C2orf49: variants seen among roughly 807,000 people sequenced by gnomAD.
C2orf49 encodes the protein tRNA-splicing ligase complex subunit ASW.
A neutral mutation model predicts 20.6 loss-of-function variants in C2orf49; 11 were observed. The observed-to-expected ratio is 0.53, with a 90% CI of 0.34 to 0.88. The LOEUF (loss-of-function observed/expected upper bound fraction) is 0.88. Among genes scored for constraint, C2orf49 ranks in the 40% least tolerant of loss-of-function variants. C2orf49 has a pLI of 0.02. For synonymous variants in C2orf49, 134 were observed against 108.5 expected (o/e 1.24, Z -1.46); for missense variants, 289 against 274.2 (o/e 1.05, Z -0.38).
At chr2:105,380,307 C>T in the C2orf49 span, among the ~76,000 whole-genome samples, 1 of 152,094 alleles carries the variant, frequency 6.6e-6, no homozygotes, top group East Asian at 1.9e-4. Context: ...GCCTGTGCTT[C>T]CTATCACACT....
chr2:105,384,412 C>T, the C2orf49 span, among the ~76,000 whole-genome samples: 1 of 152,284 alleles, frequency 6.6e-6, no homozygotes, highest in African/African-American at 2.4e-5. Flanking sequence ...CTGGAGCTTA[C>T]CCTGTCAGCT....
At chr2:105,364,171 G>A in the C2orf49 span, among the ~76,000 whole-genome samples, 5 of 152,218 alleles carry the variant, frequency 3.3e-5, no homozygotes, top group African/African-American at 9.6e-5. Flanking sequence ...CAGGAGAATC[G>A]CTTGAACCCT....
Position 105,339,565 on chromosome 2 carries a change from T to C in C2orf49, c.100-18T>C. On this transcript the variant is annotated intron_variant, in intron 1 of 3. Transcript: ENST00000258457. ...TAAAAACATTGTTTTGAAATTACTT[T>C]TGTTTCCTTTCCCGCAGAAGAACAT... The C allele has an allele frequency of 3.2e-6, 5 of 1,575,974 alleles. 2 individuals are homozygous for C. In the South Asian group the frequency reaches 4.8e-5, roughly 15 times the overall value.
At chr2:105,337,756 C>T (rs894702180) in intron 1 of C2orf49, 70 bp downstream of exon 1, 3 of 1,398,028 alleles carry the variant, frequency 2.1e-6, no homozygotes, top group South Asian at 1.4e-5. Flanking sequence ...CCGAGCTTGC[C>T]TTAAGTAGCC....
chr2:105,363,305 C>A, the C2orf49 span: 1 of 1,614,074 alleles, frequency 6.2e-7, no homozygotes, highest in South Asian at 1.1e-5. Context: ...GTTGGTGCAC[C>A]CAGCACACTT....
At chr2:105,369,178 T>C in the C2orf49 span, among the ~76,000 whole-genome samples, 1 of 152,136 alleles carries the variant, frequency 6.6e-6, no homozygotes, top group Non-Finnish European at 1.5e-5. Flanking sequence ...TGACTTCAAC[T>C]GGGGGTCAGG....
Position 105,337,608 on chromosome 2 carries a change from T to G in C2orf49, c.21T>G (p.Gly7=). The G allele has an allele frequency of 6.2e-7, 1 of 1,611,280 alleles. No homozygotes were observed. The highest frequency in any genetic ancestry group is 8.5e-7 in the Non-Finnish European group (1 of 1,179,238). MAGDVG[G]RSCTDSELLL... Reference sequence around the variant, plus strand: ...CGACCATGGCGGGGGATGTGGGCGGTCGCAGCTGCACGGACTCGGAACTGC... The same window carrying G: ...CGACCATGGCGGGGGATGTGGGCGGGCGCAGCTGCACGGACTCGGAACTGC... Residue 7 remains glycine, a synonymous_variant, in exon 1 of 4, where the codon GGT becomes GGG. Transcript: ENST00000258457.
chr2:105,372,732 T>C, the C2orf49 span, among the ~76,000 whole-genome samples: 1 of 151,998 alleles, frequency 6.6e-6, no homozygotes, highest in Non-Finnish European at 1.5e-5. Context: ...GAGGTTGCAG[T>C]GAGTCAAGAT....
the C2orf49 span, among the ~76,000 whole-genome samples, chr2:105,384,851 G>A: frequency 6.6e-6 from 1 of 152,190 alleles, no homozygotes; most frequent in Non-Finnish European, 1.5e-5. Context: ...GCACGGAAGG[G>A]TCAAGTAACT....
the C2orf49 span, among the ~76,000 whole-genome samples, chr2:105,377,044 C>A: frequency 1.3e-5 from 2 of 152,206 alleles, no homozygotes; most frequent in Non-Finnish European, 1.5e-5. Context: ...AGAATGTGTT[C>A]TGTAACCCAT....
chr2:105,338,181 C>T (rs1049875415), intron 1 of C2orf49, among the ~76,000 whole-genome samples: 3 of 152,150 alleles, frequency 2.0e-5, no homozygotes, highest in Non-Finnish European at 4.4e-5. Flanking sequence ...ATTCAGGGCT[C>T]CTGGCTCTCC....
the C2orf49 span, among the ~76,000 whole-genome samples, chr2:105,365,770 A>G: frequency 0.16 from 24,872 of 151,842 alleles, 2,273 homozygotes; most frequent in South Asian, 0.22. Context: ...ACTTGAACCC[A>G]GAAAGCAGAG....
At chr2:105,338,765 T>C (rs1679577025) in intron 1 of C2orf49, among the ~76,000 whole-genome samples, 1 of 152,256 alleles carries the variant, frequency 6.6e-6, no homozygotes. Context: ...GGATATAGGC[T>C]TGTCGGTGGT....
At chr2:105,372,833 A>T in the C2orf49 span, among the ~76,000 whole-genome samples, 1 of 152,214 alleles carries the variant, frequency 6.6e-6, no homozygotes, top group African/African-American at 2.4e-5. Context: ...CTGGAATTAC[A>T]GGTATAAGCC....
chr2:105,346,573 G>C lies in C2orf49; in HGVS notation c.*1202G>C, dbSNP rs567669384. ...GAAGAAAGTTTAGAGAGTTAGGAGTGGGGGTAGAATTCTAGAATTTATAAG... is the reference window on the plus strand; with the variant it reads ...GAAGAAAGTTTAGAGAGTTAGGAGTCGGGGTAGAATTCTAGAATTTATAAG... On this transcript the variant is annotated 3_prime_UTR_variant, in exon 4 of 4. Transcript: ENST00000258457. 8 of 152,316 alleles carry C rather than the reference G, an allele frequency of 5.3e-5. No individual in the cohort carries two copies. The highest frequency in any genetic ancestry group is 2.1e-4 in the South Asian group (1 of 4,824). The allele number at this position is 152,316 out of a possible 1,614,324, so 9.4% of individuals were successfully genotyped here.
the C2orf49 span, chr2:105,373,520 C>T: frequency 4.3e-6 from 7 of 1,612,286 alleles, no homozygotes; most frequent in East Asian, 1.6e-4. Flanking sequence ...AGGCTTGAAG[C>T]TAGACTGGCT....
the C2orf49 span, among the ~76,000 whole-genome samples, chr2:105,365,534 A>G: frequency 6.6e-6 from 1 of 152,214 alleles, no homozygotes; most frequent in African/African-American, 2.4e-5. Flanking sequence ...AGAACAAACC[A>G]AAATAAAAAT....
intron 3 of C2orf49, among the ~76,000 whole-genome samples, 194 bp from the exon 4 acceptor site, chr2:105,345,121 T>A (rs1183965002): frequency 6.6e-6 from 1 of 152,194 alleles, no homozygotes; most frequent in Non-Finnish European, 1.5e-5. Flanking sequence ...CTCTAAGTTA[T>A]TCTAAACTAC....
chr2:105,384,238 A>G, the C2orf49 span, among the ~76,000 whole-genome samples: 30 of 152,208 alleles, frequency 2.0e-4, no homozygotes, highest in East Asian at 1.9e-4. Context: ...AAGCTTTTAT[A>G]ATTATATTTT....
Sources: allele counts gnomAD v4.1 joint callset (sites outside exome capture counted in the v4.1 genomes callset), GRCh38; gene constraint gnomAD v4.1.1; transcripts MANE v1.5; gene names NCBI Gene and HGNC (gene_info 2026-07-23, HGNC 2026-07-21).